The following LHFPL3 variants were observed in gnomAD, a reference collection of about 807,000 sequenced individuals.
The protein encoded by LHFPL3 is LHFPL tetraspan subfamily member 3, also known as LHFPL tetraspan subfamily member 3 protein.
In LHFPL3, 5 loss-of-function variants were observed where a neutral mutation model predicts 19.3. That is an observed-to-expected ratio of 0.26 (90% confidence interval 0.14 to 0.54). The LOEUF (loss-of-function observed/expected upper bound fraction) is 0.54, where lower values mean the gene tolerates loss of function less well. LHFPL3 is among the 20% of genes least tolerant of loss of function. The pLI is 0.94. For missense variants in LHFPL3, 249 were observed against 307.4 expected (o/e 0.81, Z 1.42); for synonymous variants, 133 against 126.2 (o/e 1.05, Z -0.36).
At chr7:104,386,228 G>A (rs1365056562) in intron 1 of LHFPL3, among the ~76,000 whole-genome samples, 1 of 152,148 alleles carries the variant, frequency 6.6e-6, no homozygotes, top group Non-Finnish European at 1.5e-5. Context: ...CCCATTCCCA[G>A]GGCATTGTCA....
At chr7:104,537,858 G>A (rs1263998721) in intron 1 of LHFPL3, among the ~76,000 whole-genome samples, 1 of 152,188 alleles carries the variant, frequency 6.6e-6, no homozygotes, top group Non-Finnish European at 1.5e-5. Flanking sequence ...CTTATATACA[G>A]TCCTGCGCAT....
intron 1 of LHFPL3, among the ~76,000 whole-genome samples, chr7:104,457,226 G>T (rs868048761): frequency 6.6e-6 from 1 of 151,740 alleles, no homozygotes; most frequent in Non-Finnish European, 1.5e-5. Flanking sequence ...CCATTAACTC[G>T]TCATTTAGCA....
At chr7:104,547,241 T>TAAA (rs1794590702) in intron 1 of LHFPL3, among the ~76,000 whole-genome samples, 1 of 62,680 alleles carries the variant, frequency 1.6e-5, no homozygotes, top group Non-Finnish European at 3.7e-5. Flanking sequence ...AGACTCCGTC[T>TAAA]CAAAAAAAAA....
chr7:104,906,302 G>A lies in LHFPL3; in HGVS notation c.*87G>A, dbSNP rs1335338089. On this transcript the variant is annotated 3_prime_UTR_variant, in exon 3 of 3. Transcript: ENST00000424859. ...AGCTTTTGTACATCAACATCAAGAAGGAATACGCCTGAGAGAGATCAGAGT... is the reference window on the plus strand; with the variant it reads ...AGCTTTTGTACATCAACATCAAGAAAGAATACGCCTGAGAGAGATCAGAGT... 2 of 1,427,094 alleles carry A rather than the reference G, an allele frequency of 1.4e-6. No individual in the cohort carries two copies. The highest frequency in any genetic ancestry group is 1.9e-6 in the Non-Finnish European group (2 of 1,031,472). 88.4% of individuals were successfully genotyped at this position (1,427,094 alleles called of 1,614,324 possible).
intron 1 of LHFPL3, among the ~76,000 whole-genome samples, chr7:104,677,148 G>T (rs1792606839): frequency 6.6e-6 from 1 of 152,202 alleles, no homozygotes; most frequent in African/African-American, 2.4e-5. Context: ...GGCCAAGACA[G>T]GAGGATATTT....
chr7:104,845,302 T>A, intron 2 of LHFPL3: 1 of 796,850 alleles, frequency 1.3e-6, no homozygotes, highest in Admixed American at 2.0e-5. Context: ...AATGACGTTG[T>A]CAGTTTTAAT....
intron 1 of LHFPL3, among the ~76,000 whole-genome samples, chr7:104,367,366 A>G (rs765952171): frequency 6.6e-6 from 1 of 152,214 alleles, no homozygotes; most frequent in African/African-American, 2.4e-5. Context: ...CAGATGTTCT[A>G]TGGTTAACTT....
At chr7:104,429,778 G>C (rs1334843372) in intron 1 of LHFPL3, among the ~76,000 whole-genome samples, 1 of 152,112 alleles carries the variant, frequency 6.6e-6, no homozygotes, top group South Asian at 2.1e-4. Flanking sequence ...ATGAAATTCT[G>C]TGTGTATATG....
chr7:104,384,955 G>A (rs749268616), intron 1 of LHFPL3, among the ~76,000 whole-genome samples: 25 of 152,168 alleles, frequency 1.6e-4, no homozygotes, highest in Admixed American at 3.3e-4. Flanking sequence ...GGAGCAATCA[G>A]GAAATTAAAT....
At chr7:104,714,539 C>T (rs564326929) in intron 1 of LHFPL3, among the ~76,000 whole-genome samples, 5 of 151,022 alleles carry the variant, frequency 3.3e-5, no homozygotes, top group African/African-American at 1.2e-4. Flanking sequence ...AGCAGTTCTT[C>T]ATTTTAGATT....
At chr7:104,592,677 G>A (rs1033404381) in intron 1 of LHFPL3, among the ~76,000 whole-genome samples, 6 of 152,166 alleles carry the variant, frequency 3.9e-5, no homozygotes, top group African/African-American at 9.6e-5. Context: ...GCTGCCTTTT[G>A]TTCAGCTATG....
chr7:104,454,663 G>A (rs1792505944), intron 1 of LHFPL3, among the ~76,000 whole-genome samples: 1 of 152,054 alleles, frequency 6.6e-6, no homozygotes, highest in Non-Finnish European at 1.5e-5. Flanking sequence ...GGGTTATTGG[G>A]GTAAATCAAT....
chr7:104,783,213 A>G (rs763797520), intron 2 of LHFPL3, among the ~76,000 whole-genome samples: 12 of 152,242 alleles, frequency 7.9e-5, no homozygotes, highest in African/African-American at 1.9e-4. Flanking sequence ...CTTAAACAGC[A>G]TTTCCTCCAG....
intron 1 of LHFPL3, among the ~76,000 whole-genome samples, chr7:104,708,502 T>TA (rs995594988): frequency 2.6e-5 from 4 of 152,294 alleles, no homozygotes; most frequent in East Asian, 3.9e-4. Context: ...ATTATTAACT[T>TA]AAAAAAATCC....
At chr7:104,603,719 G>A (rs1190606699) in intron 1 of LHFPL3, among the ~76,000 whole-genome samples, 1 of 152,248 alleles carries the variant, frequency 6.6e-6, no homozygotes, top group East Asian at 1.9e-4. Flanking sequence ...GAATAGGCAA[G>A]AAGAAAGAGG....
At chr7:104,501,446 A>G (rs566740878) in intron 1 of LHFPL3, among the ~76,000 whole-genome samples, 3 of 152,346 alleles carry the variant, frequency 2.0e-5, no homozygotes, top group Non-Finnish European at 4.4e-5. Flanking sequence ...TTTTAAGTTA[A>G]GAGTAAATAA....
At chr7:104,373,696 G>A (rs1437196915) in intron 1 of LHFPL3, among the ~76,000 whole-genome samples, 3 of 152,072 alleles carry the variant, frequency 2.0e-5, no homozygotes, top group African/African-American at 7.2e-5. Flanking sequence ...GCAGGTGGGA[G>A]GTGGGAGGGT....
At chr7:104,805,850 T>C (rs547292852) in intron 2 of LHFPL3, among the ~76,000 whole-genome samples, 8 of 152,368 alleles carry the variant, frequency 5.3e-5, no homozygotes, top group African/African-American at 1.7e-4. Flanking sequence ...CCTCAGGGAA[T>C]AGGATTTACT....
chr7:104,482,799 TC>T (rs1793161423), intron 1 of LHFPL3, among the ~76,000 whole-genome samples: 1 of 152,216 alleles, frequency 6.6e-6, no homozygotes, highest in Admixed American at 6.5e-5. Flanking sequence ...GCAGGTGTTC[TC>T]CCTCTTGACT....
Sources: allele counts gnomAD v4.1 joint callset (sites outside exome capture counted in the v4.1 genomes callset), GRCh38; gene constraint gnomAD v4.1.1; transcripts MANE v1.5; gene names NCBI Gene and HGNC (gene_info 2026-07-23, HGNC 2026-07-21).